ABL2: variants seen among roughly 807,000 people sequenced by gnomAD.
ABL2 encodes the protein tyrosine-protein kinase ABL2.
A neutral mutation model predicts 107.7 loss-of-function variants in ABL2; 49 were observed. The ratio of observed to expected loss-of-function variants is 0.45; its 90% CI spans 0.36 to 0.58. The LOEUF is 0.58. Among genes scored for constraint, ABL2 ranks in the 20% least tolerant of loss-of-function variants. The probability of loss-of-function intolerance (pLI) is 0.00; values close to 1 mark genes in which losing one functional copy is unlikely to be tolerated. For missense variants in ABL2, 1,245 were observed against 1,457.0 expected (o/e 0.85, Z 2.37); for synonymous variants, 549 against 548.6 (o/e 1.00, Z -0.01).
Position 179,126,795 on chromosome 1 carries a change from ATTT to A in ABL2, c.392-126_392-124del. 2 of 954,318 alleles carry A rather than the reference ATTT, an allele frequency of 2.1e-6. No individual in the cohort carries two copies. Among genetic ancestry groups the A allele is most frequent in the Non-Finnish European group, 2.9e-6 (2 of 687,040 alleles). 59.1% of individuals were successfully genotyped at this position (954,318 alleles called of 1,614,324 possible). On this transcript the variant is annotated intron_variant, in intron 3 of 11. Transcript: ENST00000502732. The surrounding 1 kb of genome is among the most constrained non-coding windows in gnomAD (Gnocchi z 4.4). ...AAAGAATCTAGAACTTTTATGCCAA[ATTT>A]TTTTTTTAAATAATGAAAACAAACT... is the stretch of plus-strand genomic sequence containing the variant.
At chr1:179,117,553 A>T (rs1256583604) in intron 7 of ABL2, 37 bp from the exon 8 acceptor site, 1 of 1,607,152 alleles carries the variant, frequency 6.2e-7, no homozygotes, top group Admixed American at 1.7e-5. Context: ...TTCCATTCAG[A>T]TGGTGAGGAA....
At chr1:179,207,306 G>A (rs1210046947) in intron 1 of ABL2, among the ~76,000 whole-genome samples, 2 of 152,014 alleles carry the variant, frequency 1.3e-5, no homozygotes, top group African/African-American at 2.4e-5. Context: ...AGTGCTGGAC[G>A]TATCCAATCA....
At chr1:179,192,757 G>C (rs1661090559) in intron 1 of ABL2, among the ~76,000 whole-genome samples, 1 of 152,118 alleles carries the variant, frequency 6.6e-6, no homozygotes, top group Admixed American at 6.6e-5. Context: ...AATAAATTTT[G>C]GTTATTCAAA....
At position 179,103,170 on chromosome 1, in the gene ABL2, C is replaced by T; in HGVS notation, c.*4548G>A. On this transcript the variant is annotated 3_prime_UTR_variant, in exon 12 of 12. Coordinates refer to ENST00000502732, the MANE Select transcript of ABL2 (RefSeq NM_007314.4). ...TTACTTTTTAAAGATCGGAATTAAACCAAAAAGTTGGTCCCTAGTTTCCTG... is the reference window on the plus strand; with the variant it reads ...TTACTTTTTAAAGATCGGAATTAAATCAAAAAGTTGGTCCCTAGTTTCCTG... 1 of 214,610 alleles carries T rather than the reference C, an allele frequency of 4.7e-6. No homozygotes were observed. Among genetic ancestry groups the T allele is most frequent in the East Asian group, 6.9e-5 (1 of 14,466 alleles). 13.3% of individuals were successfully genotyped at this position (214,610 alleles called of 1,614,324 possible). A position where few individuals can be genotyped will look rare whatever the true frequency, so the allele number is the denominator to read the frequency against.
chr1:179,228,748 T>C (rs1355341496), intron 1 of ABL2, among the ~76,000 whole-genome samples: 1 of 152,074 alleles, frequency 6.6e-6, no homozygotes, highest in Non-Finnish European at 1.5e-5. Flanking sequence ...CTGTCCACAG[T>C]TCACTATCCT....
chr1:179,134,444 C>T (rs561855426), intron 1 of ABL2, among the ~76,000 whole-genome samples: 3 of 152,082 alleles, frequency 2.0e-5, no homozygotes, highest in African/African-American at 7.2e-5. Flanking sequence ...GTGGAGGCTG[C>T]GTGGAGCCTG....
At chr1:179,205,588 A>C (rs1661924938) in intron 1 of ABL2, among the ~76,000 whole-genome samples, 1 of 152,216 alleles carries the variant, frequency 6.6e-6, no homozygotes, top group African/African-American at 2.4e-5. Flanking sequence ...GGGTGATAAA[A>C]AATGGGTATA....
chr1:179,196,780 A>C (rs1363913110), intron 1 of ABL2, among the ~76,000 whole-genome samples: 2 of 151,692 alleles, frequency 1.3e-5, no homozygotes, highest in East Asian at 2.0e-4. Context: ...AACAAACAAA[A>C]AAAAACAAAA....
rs756695431 is a variant in ABL2 at position 179,115,044 on chromosome 1, TAAAA to T, written c.1409-18_1409-15del. The T allele has an allele frequency of 6.4e-7, 1 of 1,571,856 alleles. No individual in the cohort carries two copies. The highest frequency in any genetic ancestry group is 8.6e-7 in the Non-Finnish European group (1 of 1,162,642). On this transcript the variant is annotated splice_polypyrimidine_tract_variant and intron_variant, in intron 8 of 11. Transcript: ENST00000502732. ...ATACCCCAAAAGCTGCATAAGGAAT[TAAAA>T]AAAGCACTTAGTGTTTCTTCTCCGA...
At chr1:179,204,346 C>T (rs1226755082) in intron 1 of ABL2, among the ~76,000 whole-genome samples, 1 of 152,086 alleles carries the variant, frequency 6.6e-6, no homozygotes, top group Non-Finnish European at 1.5e-5. Flanking sequence ...CTTTTACATG[C>T]TATCTGCTCA....
intron 9 of ABL2, 24 bp from the exon 10 acceptor site, chr1:179,112,422 T>G: frequency 6.3e-7 from 1 of 1,582,458 alleles, no homozygotes; most frequent in Non-Finnish European, 8.7e-7. Context: ...GAAAAAATAT[T>G]AAAAACTCCT....
At chr1:179,161,940 T>C (rs77288180) in intron 1 of ABL2, among the ~76,000 whole-genome samples, 421 of 152,270 alleles carry the variant, frequency 2.8e-3, no homozygotes, top group Non-Finnish European at 4.3e-3. Flanking sequence ...CGTGCTCTCT[T>C]TCTCACTCTC....
chr1:179,136,708 A>AT (rs1266034447), intron 1 of ABL2, among the ~76,000 whole-genome samples: 14 of 121,756 alleles, frequency 1.1e-4, no homozygotes, highest in Non-Finnish European at 2.2e-4. Context: ...ATGATCAATA[A>AT]AAAATAAATA....
rs1347752992 is a variant in ABL2 at position 179,204,746 on chromosome 1, C to G, written c.157+24495G>C. On this transcript the variant is annotated intron_variant, in intron 1 of 11. Coordinates refer to ENST00000502732, the MANE Select transcript of ABL2 (RefSeq NM_007314.4). The stretch of plus-strand genomic sequence containing the variant: ...TGGGTGACAGAGCAAGACCCTGTCT[C>G]AAAAAGCAAAACAAACACACACACA... Among the ~76,000 whole-genome samples, 3 of 152,090 alleles carry G rather than the reference C, an allele frequency of 2.0e-5. No homozygotes were observed. The East Asian group carries it at 5.8e-4, about 30-fold the overall frequency.
rs867859702 is a variant in ABL2 at position 179,109,265 on chromosome 1, G to A, written c.2002C>T (p.Arg668Cys). 1.1e-5 allele frequency: 17 copies of A among 1,614,014 alleles called. No homozygotes were observed. Among genetic ancestry groups the A allele is most frequent in the African/African-American group, 2.7e-5 (2 of 74,894 alleles). ...KKRNAPTPPK[R>C]SSSFREMENQ... ...TCCATTTCTCGGAAGGAGCTGCTGC[G>A]TTTGGGGGGTGTAGGAGCATTTCTC... Residue 668 changes from arginine (R) to cysteine (C), a missense_variant, in exon 12 of 12, where the codon CGC (arginine) becomes TGC (cysteine). This residue lies in a region of ABL2 where 761 missense variants were observed against 766.4 expected (regional missense o/e 0.99). Transcript: ENST00000502732.
At chr1:179,113,929 G>A (rs548511702) in intron 9 of ABL2, among the ~76,000 whole-genome samples, 14 of 115,384 alleles carry the variant, frequency 1.2e-4, no homozygotes, top group African/African-American at 3.5e-4. Context: ...GCGAGACTCC[G>A]TCTCAAAAAA....
intron 1 of ABL2, chr1:179,221,848 C>A: frequency 4.3e-6 from 1 of 233,272 alleles, no homozygotes. Flanking sequence ...GGTGTTTCCT[C>A]CCTACTGCAG....
intron 1 of ABL2, among the ~76,000 whole-genome samples, chr1:179,188,669 C>T (rs1287668951): frequency 6.6e-6 from 1 of 152,212 alleles, no homozygotes; most frequent in Non-Finnish European, 1.5e-5. Context: ...GCACCTGTCT[C>T]CACGCACTAT....
chr1:179,199,352 G>A (rs1661519222), intron 1 of ABL2, among the ~76,000 whole-genome samples: 1 of 152,152 alleles, frequency 6.6e-6, no homozygotes, highest in Non-Finnish European at 1.5e-5. Context: ...AAAAGTCTCA[G>A]TGGGTGATTG....
Sources: allele counts gnomAD v4.1 joint callset (sites outside exome capture counted in the v4.1 genomes callset), GRCh38; gene constraint gnomAD v4.1.1; regional missense constraint gnomAD v4.1.1; non-coding constraint Gnocchi (gnomAD v3.1); transcripts MANE v1.5; gene names NCBI Gene and HGNC (gene_info 2026-07-23, HGNC 2026-07-21).